FHIT: variants seen among roughly 807,000 people sequenced by gnomAD.
FHIT encodes the protein fragile histidine triad diadenosine triphosphatase.
FHIT carries 19 observed loss-of-function variants against 17.9 expected under a neutral mutation model. That is an observed-to-expected ratio of 1.06 (90% CI 0.74 to 1.56). The LOEUF is 1.56. FHIT is among the 40% of genes most tolerant of loss of function. The pLI is 0.00. For missense variants in FHIT, 248 were observed against 189.2 expected (o/e 1.31, Z -1.82); for synonymous variants, 81 against 69.7 (o/e 1.16, Z -0.81).
chr3:59,771,917 G>T (rs1017835734), intron 8 of FHIT, among the ~76,000 whole-genome samples: 1 of 152,108 alleles, frequency 6.6e-6, no homozygotes, highest in Non-Finnish European at 1.5e-5. Flanking sequence ...CACTTTACTT[G>T]AAATTTCTAG....
chr3:59,940,616 C>T (rs1215269730), intron 7 of FHIT, among the ~76,000 whole-genome samples: 3 of 152,158 alleles, frequency 2.0e-5, no homozygotes, highest in Non-Finnish European at 2.9e-5. Context: ...TTAAGAGCAT[C>T]GAGCTCTAAA....
intron 4 of FHIT, among the ~76,000 whole-genome samples, chr3:60,716,425 A>G (rs1245246014): frequency 6.6e-6 from 1 of 152,124 alleles, no homozygotes; most frequent in African/African-American, 2.4e-5. Context: ...AAAAACTAAG[A>G]AAAACACAAA....
intron 2 of FHIT, among the ~76,000 whole-genome samples, chr3:61,121,241 G>A (rs948136289): frequency 6.6e-6 from 1 of 152,052 alleles, no homozygotes; most frequent in African/African-American, 2.4e-5. Context: ...GAAATACAGA[G>A]AACGCCACAA....
chr3:60,210,261 T>C (rs1439793690), intron 5 of FHIT, among the ~76,000 whole-genome samples: 1 of 152,104 alleles, frequency 6.6e-6, no homozygotes, highest in East Asian at 1.9e-4. Flanking sequence ...TGAAGAAAGG[T>C]AAAATCAGAT....
chr3:60,476,174 C>T (rs1015173358), intron 5 of FHIT, among the ~76,000 whole-genome samples: 10 of 152,156 alleles, frequency 6.6e-5, no homozygotes, highest in African/African-American at 2.4e-4. Context: ...AGTTATTTAA[C>T]GTACCTGAGC....
At chr3:60,680,355 A>G (rs1407996666) in intron 4 of FHIT, among the ~76,000 whole-genome samples, 1 of 152,040 alleles carries the variant, frequency 6.6e-6, no homozygotes, top group Non-Finnish European at 1.5e-5. Flanking sequence ...TGCTTCTCCA[A>G]TTTATGTTTC....
intron 5 of FHIT, among the ~76,000 whole-genome samples, chr3:60,456,126 C>T (rs104795): frequency 1.5e-4 from 23 of 152,080 alleles, no homozygotes; most frequent in African/African-American, 4.8e-4. Context: ...CATCTGATCA[C>T]ATGCCCCTGA....
chr3:60,433,681 C>T (rs1009408223), intron 5 of FHIT, among the ~76,000 whole-genome samples: 1 of 152,084 alleles, frequency 6.6e-6, no homozygotes, highest in Admixed American at 6.6e-5. Context: ...TAATGGTGAA[C>T]ATCATTTCAT....
intron 5 of FHIT, among the ~76,000 whole-genome samples, chr3:60,036,077 G>C (rs1292284341): frequency 6.6e-6 from 1 of 152,202 alleles, no homozygotes; most frequent in Non-Finnish European, 1.5e-5. Context: ...TACACCAGAA[G>C]TTAGGTGCTT....
intron 4 of FHIT, among the ~76,000 whole-genome samples, chr3:60,811,729 C>T (rs1553736078): frequency 6.6e-6 from 1 of 152,084 alleles, no homozygotes; most frequent in African/African-American, 2.4e-5. Flanking sequence ...TAGCTTATTG[C>T]TTGGGTCCTA....
chr3:60,157,131 C>T (rs2107351000), intron 5 of FHIT, among the ~76,000 whole-genome samples: 1 of 152,100 alleles, frequency 6.6e-6, no homozygotes, highest in African/African-American at 2.4e-5. Flanking sequence ...ATTAAGTGCA[C>T]ATGATGTAAT....
intron 4 of FHIT, among the ~76,000 whole-genome samples, chr3:60,720,332 C>A (rs752441282): frequency 2.0e-5 from 3 of 152,156 alleles, no homozygotes; most frequent in Non-Finnish European, 4.4e-5. Flanking sequence ...ACCCAGCAGC[C>A]AAACACACTG....
Position 61,128,922 on chromosome 3 carries a change from G to A in FHIT, c.-164+71695C>T, listed in dbSNP as rs77357710. On this transcript the variant is annotated intron_variant, in intron 2 of 9. Transcript: ENST00000492590. ...CCTGGACCCTATACATGCTTCCTACGTGAAATATGTTCTTACTTAGGAAAA... is the reference window on the plus strand; with the variant it reads ...CCTGGACCCTATACATGCTTCCTACATGAAATATGTTCTTACTTAGGAAAA... Among the ~76,000 whole-genome samples, 538 of 152,084 alleles carry A rather than the reference G, an allele frequency of 3.5e-3. 5 individuals are homozygous for A. The highest frequency in any genetic ancestry group is 0.012 in the African/African-American group (518 of 41,480).
intron 5 of FHIT, among the ~76,000 whole-genome samples, chr3:60,150,036 C>T (rs1439029962): frequency 4.2e-5 from 6 of 142,878 alleles, no homozygotes; most frequent in Non-Finnish European, 9.0e-5. Context: ...CTACTTGTTG[C>T]CCAGGCTGGA....
chr3:60,437,927 C>G (rs992172594), intron 5 of FHIT, among the ~76,000 whole-genome samples: 4 of 151,948 alleles, frequency 2.6e-5, no homozygotes, highest in African/African-American at 7.2e-5. Flanking sequence ...CAACAGCTAC[C>G]TAGAATAATG....
chr3:60,155,738 C>T (rs1041196917), intron 5 of FHIT, among the ~76,000 whole-genome samples: 1 of 152,120 alleles, frequency 6.6e-6, no homozygotes, highest in Non-Finnish European at 1.5e-5. Flanking sequence ...ACGTTGACTC[C>T]ATGCGTTAGC....
At chr3:59,765,974 A>T (rs1177137646) in intron 8 of FHIT, among the ~76,000 whole-genome samples, 4 of 152,200 alleles carry the variant, frequency 2.6e-5, no homozygotes, top group Non-Finnish European at 5.9e-5. Context: ...TTCCCTAAAG[A>T]CAATAAAAAT....
chr3:60,566,006 AT>A (rs915082377), intron 4 of FHIT, among the ~76,000 whole-genome samples: 4 of 151,936 alleles, frequency 2.6e-5, no homozygotes, highest in Non-Finnish European at 4.4e-5. Context: ...TTCTGCCTTC[AT>A]TTTTTTATGT....
intron 5 of FHIT, among the ~76,000 whole-genome samples, chr3:60,339,278 C>T (rs936785298): frequency 1.3e-5 from 2 of 152,074 alleles, no homozygotes; most frequent in South Asian, 2.1e-4. Flanking sequence ...CTTTCCTAAA[C>T]CTCTTCAGTA....
Sources: allele counts gnomAD v4.1 joint callset (sites outside exome capture counted in the v4.1 genomes callset), GRCh38; gene constraint gnomAD v4.1.1; transcripts MANE v1.5; gene names NCBI Gene and HGNC (gene_info 2026-07-23, HGNC 2026-07-21).